Variants in KCNH8 observed in about 807,000 individuals in gnomAD.
The protein encoded by KCNH8 is voltage-gated delayed rectifier potassium channel KCNH8.
Under a neutral mutation model 103.6 loss-of-function variants are expected in KCNH8, and 70 were observed. That is an observed-to-expected ratio of 0.68 (90% CI 0.56 to 0.82). The LOEUF is 0.82. KCNH8 is among the 40% of genes least tolerant of loss of function. The pLI is 0.00. For synonymous variants in KCNH8, 498 were observed against 489.4 expected, an observed-to-expected ratio of 1.02 and a Z score of -0.23; for missense variants, 1,217 against 1,329.9, an observed-to-expected ratio of 0.92 and a Z score of 1.32.
At chr3:19,417,426 T>G (rs1407252008) in intron 7 of KCNH8, among the ~76,000 whole-genome samples, 2 of 151,732 alleles carry the variant, frequency 1.3e-5, no homozygotes, top group African/African-American at 2.4e-5. Context: ...GCCAACTGAA[T>G]AAGGTTTAAT....
At chr3:19,481,609 C>A (rs1417733293) in intron 11 of KCNH8, among the ~76,000 whole-genome samples, 1 of 152,010 alleles carries the variant, frequency 6.6e-6, no homozygotes, top group East Asian at 1.9e-4. Context: ...GCATTTTTTT[C>A]TTAAGGAGAG....
At chr3:19,511,429 T>C (rs1328804873) in intron 12 of KCNH8, among the ~76,000 whole-genome samples, 1 of 152,200 alleles carries the variant, frequency 6.6e-6, no homozygotes, top group East Asian at 1.9e-4. Flanking sequence ...AGAGGCTTCT[T>C]GAAACAAAGG....
chr3:19,439,394 A>G (rs2067245431), intron 8 of KCNH8, among the ~76,000 whole-genome samples: 1 of 152,242 alleles, frequency 6.6e-6, no homozygotes, highest in Non-Finnish European at 1.5e-5. Flanking sequence ...ATATACATAA[A>G]GTCTGCAAAA....
At chr3:19,240,919 T>C (rs1374036922) in intron 1 of KCNH8, among the ~76,000 whole-genome samples, 1 of 152,136 alleles carries the variant, frequency 6.6e-6, no homozygotes, top group Admixed American at 6.5e-5. Context: ...CCACCTTCAT[T>C]GGTATCGCTC....
chr3:19,491,146 C>CAT (rs1030345444), intron 11 of KCNH8, among the ~76,000 whole-genome samples: 6 of 151,988 alleles, frequency 3.9e-5, no homozygotes, highest in African/African-American at 4.8e-5. Context: ...TAATTATATA[C>CAT]ATATATATAT....
At chr3:19,518,836 T>A (rs187867162) in intron 15 of KCNH8, among the ~76,000 whole-genome samples, 8 of 152,092 alleles carry the variant, frequency 5.3e-5, no homozygotes, top group Admixed American at 4.6e-4. Flanking sequence ...AATACAAAAA[T>A]AAGATACTTT....
At chr3:19,431,434 C>G (rs2067120057) in intron 7 of KCNH8, among the ~76,000 whole-genome samples, 1 of 151,496 alleles carries the variant, frequency 6.6e-6, no homozygotes, top group Non-Finnish European at 1.5e-5. Context: ...AGGATATTGA[C>G]TTGAAGTTTC....
chr3:19,207,551 ATAAT>A (rs765268496), intron 1 of KCNH8, among the ~76,000 whole-genome samples: 3 of 152,038 alleles, frequency 2.0e-5, no homozygotes, highest in Non-Finnish European at 4.4e-5. Flanking sequence ...GAAAGTGGAC[ATAAT>A]TAATGCTTCT....
intron 3 of KCNH8, among the ~76,000 whole-genome samples, chr3:19,299,409 T>C (rs748470880): frequency 2.6e-5 from 4 of 151,974 alleles, no homozygotes; most frequent in Non-Finnish European, 4.4e-5. Context: ...GTGGGAGGAT[T>C]GCTTGAGTCT....
chr3:19,318,398 C>T (rs916546457), intron 3 of KCNH8, among the ~76,000 whole-genome samples: 1 of 151,424 alleles, frequency 6.6e-6, no homozygotes, highest in African/African-American at 2.4e-5. Flanking sequence ...TACACTGTAC[C>T]CAATGTGTAA....
chr3:19,481,172 GTTTA>G (rs1038979356), intron 11 of KCNH8, among the ~76,000 whole-genome samples: 3 of 151,920 alleles, frequency 2.0e-5, no homozygotes, highest in Non-Finnish European at 4.4e-5. Flanking sequence ...TGATTTTGTT[GTTTA>G]TTTATATAAA....
chr3:19,168,180 TTTTG>T (rs1202698125), intron 1 of KCNH8, among the ~76,000 whole-genome samples: 3 of 151,870 alleles, frequency 2.0e-5, no homozygotes, highest in Non-Finnish European at 2.9e-5. Flanking sequence ...CAGCTAACTT[TTTTG>T]TTTGTTTGTT....
At position 19,518,003 on chromosome 3, in the gene KCNH8, G is replaced by C. The variant is rs1020422412; in HGVS notation, c.2548G>C (p.Glu850Gln). The C allele has an allele frequency of 6.2e-7, 1 of 1,611,852 alleles. No individual in the cohort carries two copies. Among genetic ancestry groups the C allele is most frequent in the South Asian group, 1.1e-5 (1 of 91,012 alleles). Residue 850 changes from glutamate to glutamine, a missense_variant, in exon 15 of 16, where the codon GAG becomes CAG. Physicochemically the swap from Glu to Gln is conservative, Grantham distance 29 (BLOSUM62 2). Around this residue, in one of 3 missense-constraint regions of KCNH8, gnomAD observed 558 missense variants for 495.8 expected, o/e 1.13. Transcript: ENST00000328405. The part of the protein sequence containing the change: ...PRISPPLGDP[E>Q]IGAAVLFIKA... ...GTATGTGTGTCACTTTTCAGATCCA[G>C]AGATTGGAGCTGCTGTTCTCTTCAT...
At chr3:19,186,352 T>C (rs1453664645) in intron 1 of KCNH8, among the ~76,000 whole-genome samples, 1 of 151,872 alleles carries the variant, frequency 6.6e-6, no homozygotes, top group Non-Finnish European at 1.5e-5. Context: ...GAATGTCCTT[T>C]ACACTTGCAC....
chr3:19,243,413 A>G (rs1257412479), intron 1 of KCNH8, among the ~76,000 whole-genome samples: 1 of 152,162 alleles, frequency 6.6e-6, no homozygotes, highest in Non-Finnish European at 1.5e-5. Flanking sequence ...AGCTGTGACC[A>G]TCAAATTAGT....
intron 1 of KCNH8, among the ~76,000 whole-genome samples, chr3:19,183,415 G>A (rs993865643): frequency 3.3e-5 from 5 of 152,130 alleles, no homozygotes; most frequent in East Asian, 1.9e-4. Context: ...AGAAGGTATC[G>A]TGCATGCATG....
At chr3:19,316,235 CT>C (rs1459275198) in intron 3 of KCNH8, among the ~76,000 whole-genome samples, 1 of 151,800 alleles carries the variant, frequency 6.6e-6, no homozygotes, top group Non-Finnish European at 1.5e-5. Flanking sequence ...GGGGGACTGT[CT>C]TGTGCATTGT....
intron 5 of KCNH8, among the ~76,000 whole-genome samples, chr3:19,354,612 G>T (rs75812894): frequency 0.21 from 31,988 of 151,928 alleles, 3,622 homozygotes; most frequent in Middle Eastern, 0.31. Flanking sequence ...ACAAACCTGA[G>T]AAAAACAAGC....
chr3:19,471,894 C>T (rs2067864263), intron 11 of KCNH8, among the ~76,000 whole-genome samples: 1 of 152,172 alleles, frequency 6.6e-6, no homozygotes, highest in South Asian at 2.1e-4. Context: ...ATGGGAGAAT[C>T]AGCTTCATGA....
Sources: allele counts gnomAD v4.1 joint callset (sites outside exome capture counted in the v4.1 genomes callset), GRCh38; gene constraint gnomAD v4.1.1; regional missense constraint gnomAD v4.1.1; transcripts MANE v1.5; gene names NCBI Gene and HGNC (gene_info 2026-07-23, HGNC 2026-07-21).